Variants in RXRA observed in about 807,000 individuals in gnomAD.
RXRA encodes the protein retinoid X receptor alpha, also known as retinoic acid receptor RXR-alpha.
Under a neutral mutation model 44.5 loss-of-function variants are expected in RXRA, and 5 were observed. The ratio of observed to expected loss-of-function variants is 0.11; its 90% CI spans 0.06 to 0.24. The LOEUF (loss-of-function observed/expected upper bound fraction) is 0.24, where lower values mean the gene tolerates loss of function less well. Ranked by LOEUF, RXRA falls within the 10% of genes least tolerant of loss-of-function variation. The pLI, the probability that RXRA is intolerant of heterozygous loss-of-function variation, is 1.00. For synonymous variants in RXRA, 291 were observed against 271.4 expected (o/e 1.07, Z -0.71); for missense variants, 412 against 646.5 (o/e 0.64, Z 3.93).
chr9:134,372,498 T>A (rs1453035598), intron 1 of RXRA, among the ~76,000 whole-genome samples: 4 of 152,088 alleles, frequency 2.6e-5, no homozygotes, highest in African/African-American at 9.7e-5. Flanking sequence ...GCAGAATTGA[T>A]TTGTTATCAC....
At chr9:134,402,025 C>G (rs941759541) in intron 2 of RXRA, 143 bp downstream of exon 2, 1 of 721,654 alleles carries the variant, frequency 1.4e-6, no homozygotes, top group Non-Finnish European at 2.2e-6. Flanking sequence ...TACAGAGCCT[C>G]GGGGAGCAGA....
At chr9:134,422,113 T>C (rs1232674308) in intron 6 of RXRA, 3 of 1,230,460 alleles carry the variant, frequency 2.4e-6, no homozygotes, top group Admixed American at 2.8e-5. Flanking sequence ...GACACACTTC[T>C]ACCTCCCGGG....
intron 1 of RXRA, among the ~76,000 whole-genome samples, chr9:134,381,152 A>T (rs1830638852): frequency 6.6e-6 from 1 of 152,008 alleles, no homozygotes. Context: ...ATGGGCTGGG[A>T]GGGTTGAGGG....
intron 1 of RXRA, among the ~76,000 whole-genome samples, chr9:134,339,939 G>A (rs562748394): frequency 1.6e-4 from 25 of 152,128 alleles, no homozygotes; most frequent in East Asian, 1.4e-3. Context: ...GAGTGTGCAC[G>A]CCTGTGCTCT....
chr9:134,357,121 C>T (rs1355715001), intron 1 of RXRA, among the ~76,000 whole-genome samples: 1 of 151,484 alleles, frequency 6.6e-6, no homozygotes, highest in African/African-American at 2.4e-5. Context: ...TTATCTGTGT[C>T]TCCGCAGCCT....
intron 1 of RXRA, among the ~76,000 whole-genome samples, chr9:134,382,268 G>GGTGTGTGT (rs145989754): frequency 6.7e-6 from 1 of 149,102 alleles, no homozygotes; most frequent in Non-Finnish European, 1.5e-5. Flanking sequence ...AGGTTTGGGT[G>GGTGTGTGT]GTGTGTGTGT....
intron 1 of RXRA, among the ~76,000 whole-genome samples, chr9:134,329,990 G>A (rs1293199542): frequency 6.6e-6 from 1 of 152,220 alleles, no homozygotes; most frequent in Non-Finnish European, 1.5e-5. Context: ...TGCATGGAAG[G>A]TGGTGTGGGG....
At chr9:134,337,601 C>T (rs758217392) in intron 1 of RXRA, among the ~76,000 whole-genome samples, 4 of 152,146 alleles carry the variant, frequency 2.6e-5, no homozygotes, top group South Asian at 2.1e-4. Context: ...AGAAGGGACA[C>T]GGAGGAGGCA....
intron 1 of RXRA, among the ~76,000 whole-genome samples, chr9:134,386,854 C>G (rs929216504): frequency 6.6e-6 from 1 of 152,182 alleles, no homozygotes; most frequent in East Asian, 1.9e-4. Context: ...CCTCTCCTTA[C>G]CTTGAGGCTC....
At chr9:134,414,055 G>A (rs576134239) in intron 4 of RXRA, among the ~76,000 whole-genome samples, 6 of 152,214 alleles carry the variant, frequency 3.9e-5, no homozygotes, top group African/African-American at 9.6e-5. Flanking sequence ...GCATGACTTC[G>A]TCTAGAAGGT....
intron 1 of RXRA, among the ~76,000 whole-genome samples, chr9:134,378,877 A>G (rs530746920): frequency 2.6e-4 from 40 of 152,308 alleles, no homozygotes; most frequent in African/African-American, 9.6e-4. Context: ...GAGCCAGACC[A>G]TCCTTGGCTG....
At chr9:134,347,164 G>A (rs557136394) in intron 1 of RXRA, among the ~76,000 whole-genome samples, 1 of 151,990 alleles carries the variant, frequency 6.6e-6, no homozygotes, top group Admixed American at 6.5e-5. Context: ...GGGGTGGCAG[G>A]CAGGTGGGGT....
intron 1 of RXRA, among the ~76,000 whole-genome samples, chr9:134,368,336 G>A (rs1249223463): frequency 2.0e-5 from 3 of 152,242 alleles, no homozygotes; most frequent in Admixed American, 2.0e-4. Context: ...GGGAAGTAGG[G>A]CAGCTGCTCA....
chr9:134,394,372 A>C (rs575087649), intron 1 of RXRA, among the ~76,000 whole-genome samples: 89 of 152,056 alleles, frequency 5.9e-4, no homozygotes, highest in South Asian at 5.6e-3. Context: ...TTTCCTGCCG[A>C]GGCCCTTTGG....
chr9:134,432,586 C>T (rs1157984712), intron 8 of RXRA, among the ~76,000 whole-genome samples: 4 of 152,246 alleles, frequency 2.6e-5, no homozygotes, highest in African/African-American at 7.2e-5. Context: ...AGGTGCTACT[C>T]CTTCGCCCAA....
rs533788702 is a variant in RXRA at position 134,431,288 on chromosome 9, G to T, written c.1044-617G>T. Among the ~76,000 whole-genome samples the T allele has an allele frequency of 1.7e-3, 264 of 152,392 alleles. 1 individual carries two copies. Among genetic ancestry groups the T allele is most frequent in the Non-Finnish European group, 3.2e-3 (215 of 68,042 alleles). ...CTGCAGGGCTGGGGCAGCTGAGTCT[G>T]AATCCAAGAACGCCCCCAGCGTCTC... On this transcript the variant is annotated intron_variant, in intron 7 of 9. Coordinates refer to ENST00000481739, the MANE Select transcript of RXRA (RefSeq NM_002957.6).
rs980644528 is a variant in RXRA at position 134,349,448 on chromosome 9, G to C, written c.28+22789G>C. 4.6e-5 allele frequency among the ~76,000 whole-genome samples: 7 copies of C among 152,204 alleles called. No homozygotes were observed. Among genetic ancestry groups the C allele is most frequent in the African/African-American group, 9.7e-5 (4 of 41,450 alleles). On this transcript the variant is annotated intron_variant, in intron 1 of 9. Transcript: ENST00000481739. The surrounding 1 kb of genome is among the most constrained non-coding windows in gnomAD (Gnocchi z 4.3). The stretch of plus-strand genomic sequence containing the variant: ...GCTGGTGGGTCGGGGAAGAGAAGAG[G>C]CTGGCTCAGGTGGGCTGGGGTCTTC...
At chr9:134,406,846 A>T (rs980047743) in intron 2 of RXRA, among the ~76,000 whole-genome samples, 2 of 152,090 alleles carry the variant, frequency 1.3e-5, no homozygotes, top group African/African-American at 2.4e-5. Flanking sequence ...CAGGCACCGC[A>T]CCCCTCTGCA....
At chr9:134,432,783 G>T (rs974559186) in intron 8 of RXRA, among the ~76,000 whole-genome samples, 1 of 152,212 alleles carries the variant, frequency 6.6e-6, no homozygotes, top group Admixed American at 6.5e-5. Context: ...TCCGGGAGCT[G>T]CAAGTTAGGG....
Sources: gnomAD v4.1 joint callset for allele counts (sites outside exome capture counted in the v4.1 genomes callset) on GRCh38, gnomAD v4.1.1 for gene constraint, Gnocchi (gnomAD v3.1) non-coding constraint, MANE v1.5 for transcripts, NCBI Gene and HGNC (gene_info 2026-07-23, HGNC 2026-07-21) for gene names.